Variants in SIL1 observed in about 807,000 individuals in gnomAD.
SIL1 encodes the protein SIL1 nucleotide exchange factor.
In SIL1, 40 loss-of-function variants were observed where a neutral mutation model predicts 49.1. The observed-to-expected ratio is 0.81, with a 90% CI of 0.63 to 1.06. The LOEUF (loss-of-function observed/expected upper bound fraction) is 1.06. Ranked by LOEUF, SIL1 falls within the 50% of genes least tolerant of loss-of-function variation. The pLI is 0.00. For synonymous variants in SIL1, 253 were observed against 250.8 expected, an observed-to-expected ratio of 1.01 and a Z score of -0.08; for missense variants, 500 against 572.6, an observed-to-expected ratio of 0.87 and a Z score of 1.29.
chr5:138,960,371 CATTG>C (rs1276537524), intron 7 of SIL1, among the ~76,000 whole-genome samples: 1 of 148,862 alleles, frequency 6.7e-6, no homozygotes, highest in Non-Finnish European at 1.5e-5. Flanking sequence ...TCTAAATAAA[CATTG>C]ATTAAGTCTG....
intron 1 of SIL1, among the ~76,000 whole-genome samples, chr5:139,132,360 C>T (rs187555231): frequency 1.2e-4 from 18 of 152,310 alleles, no homozygotes; most frequent in South Asian, 1.0e-3. Flanking sequence ...CCTGCACACA[C>T]GCTAACACTG....
At chr5:139,172,638 A>C (rs930238927) in intron 1 of SIL1, among the ~76,000 whole-genome samples, 16 of 151,940 alleles carry the variant, frequency 1.1e-4, no homozygotes, top group Non-Finnish European at 1.9e-4. Flanking sequence ...TCTCAAAAAA[A>C]AAAAAAAAAG....
intron 3 of SIL1, among the ~76,000 whole-genome samples, chr5:139,101,992 C>T (rs112627334): frequency 6.4e-4 from 97 of 152,238 alleles, no homozygotes; most frequent in African/African-American, 2.2e-3. Flanking sequence ...AGTTTGCCCT[C>T]GCTGAAATGC....
chr5:139,149,711 A>AT (rs1751260737), intron 1 of SIL1, among the ~76,000 whole-genome samples: 1 of 152,180 alleles, frequency 6.6e-6, no homozygotes, highest in Admixed American at 6.5e-5. Flanking sequence ...AGGAAAAGGA[A>AT]TTACAGAAAC....
At chr5:139,135,222 G>A (rs1485234064) in intron 1 of SIL1, among the ~76,000 whole-genome samples, 1 of 152,164 alleles carries the variant, frequency 6.6e-6, no homozygotes, top group Non-Finnish European at 1.5e-5. Context: ...TGGCTGGACT[G>A]GAACATCCCT....
chr5:139,120,977 G>C, intron 3 of SIL1, 58 bp downstream of exon 3: 1 of 1,608,186 alleles, frequency 6.2e-7, no homozygotes, highest in Non-Finnish European at 8.5e-7. Flanking sequence ...TGGGGACAAA[G>C]GACATATGCA....
chr5:139,185,573 C>T (rs898058163), intron 1 of SIL1, among the ~76,000 whole-genome samples: 1 of 152,218 alleles, frequency 6.6e-6, no homozygotes, highest in African/African-American at 2.4e-5. Context: ...CAAGTGAGGA[C>T]TTACTGTATA....
intron 4 of SIL1, among the ~76,000 whole-genome samples, chr5:139,044,659 T>C (rs1769113110): frequency 6.6e-6 from 1 of 152,222 alleles, no homozygotes; most frequent in Non-Finnish European, 1.5e-5. Flanking sequence ...TCCCTGATCC[T>C]ATTAAACTTA....
chr5:139,134,391 C>G (rs1750931057), intron 1 of SIL1, among the ~76,000 whole-genome samples: 1 of 152,198 alleles, frequency 6.6e-6, no homozygotes, highest in Non-Finnish European at 1.5e-5. Context: ...CCATGTCAGC[C>G]TCCCAAAGTG....
At chr5:139,149,355 G>A (rs75435312) in intron 1 of SIL1, among the ~76,000 whole-genome samples, 3,794 of 152,228 alleles carry the variant, frequency 0.025, 73 homozygotes, top group Admixed American at 0.035. Context: ...GCCTACTAGG[G>A]ACCATACAAC....
intron 7 of SIL1, among the ~76,000 whole-genome samples, chr5:138,993,710 A>T (rs2150407257): frequency 6.6e-6 from 1 of 152,306 alleles, no homozygotes; most frequent in South Asian, 2.1e-4. Flanking sequence ...CCCACCAGCA[A>T]CAAACTAAGG....
At chr5:139,155,489 G>C (rs146435988) in intron 1 of SIL1, 2 of 150,886 alleles carry the variant, frequency 1.3e-5, no homozygotes, top group Non-Finnish European at 3.0e-5. Context: ...ACGAGCTCTC[G>C]AGCTCTCTTT....
At chr5:139,092,850 GC>G (rs1218754898) in intron 3 of SIL1, among the ~76,000 whole-genome samples, 1 of 152,142 alleles carries the variant, frequency 6.6e-6, no homozygotes, top group Non-Finnish European at 1.5e-5. Flanking sequence ...TTTAAATGTG[GC>G]CTCCAAAGTT....
At chr5:139,121,229 A>G (rs996239722) in intron 2 of SIL1, 56 bp from the exon 3 acceptor site, 26 of 1,609,420 alleles carry the variant, frequency 1.6e-5, no homozygotes, top group South Asian at 9.9e-5. Context: ...AGGTAAGCAG[A>G]AAAAAAATGG....
intron 3 of SIL1, among the ~76,000 whole-genome samples, chr5:139,056,930 G>A (rs1693363725): frequency 6.6e-6 from 1 of 152,102 alleles, no homozygotes; most frequent in Admixed American, 6.5e-5. Flanking sequence ...TGTCTGTGTA[G>A]AAAGAAGTAG....
At chr5:139,151,486 T>A (rs1045334619) in intron 1 of SIL1, among the ~76,000 whole-genome samples, 1 of 152,234 alleles carries the variant, frequency 6.6e-6, no homozygotes, top group Non-Finnish European at 1.5e-5. Context: ...CCAAACAGCA[T>A]ACATGCAAAC....
chr5:139,018,297 C>G (rs1768443043), intron 7 of SIL1, among the ~76,000 whole-genome samples: 4 of 152,088 alleles, frequency 2.6e-5, no homozygotes, highest in Admixed American at 2.6e-4. Context: ...AATGAAGCAG[C>G]AGGATTAGCA....
intron 3 of SIL1, among the ~76,000 whole-genome samples, chr5:139,057,655 C>G (rs1769486497): frequency 6.6e-6 from 1 of 152,102 alleles, no homozygotes; most frequent in African/African-American, 2.4e-5. Flanking sequence ...AAAGGAGATC[C>G]CAGGAAGTAT....
At chr5:139,170,148 C>T (rs899521332) in intron 1 of SIL1, among the ~76,000 whole-genome samples, 6 of 152,240 alleles carry the variant, frequency 3.9e-5, no homozygotes, top group Non-Finnish European at 5.9e-5. Flanking sequence ...GGATTGCAGA[C>T]GGAGTCTGGT....
Sources: gnomAD v4.1 joint callset for allele counts (sites outside exome capture counted in the v4.1 genomes callset) on GRCh38, gnomAD v4.1.1 for gene constraint, MANE v1.5 for transcripts, NCBI Gene and HGNC (gene_info 2026-07-23, HGNC 2026-07-21) for gene names.